The following ZMIZ1 variants were observed in gnomAD, a reference collection of about 807,000 sequenced individuals.
ZMIZ1 encodes the protein zinc finger MIZ-type containing 1.
A neutral mutation model predicts 113.9 loss-of-function variants in ZMIZ1; 17 were observed. The ratio of observed to expected loss-of-function variants is 0.15; its 90% CI spans 0.10 to 0.22. The LOEUF (loss-of-function observed/expected upper bound fraction) is 0.22, where lower values mean the gene tolerates loss of function less well. Ranked by LOEUF, ZMIZ1 falls within the 10% of genes least tolerant of loss-of-function variation. The pLI is 1.00. For missense variants in ZMIZ1, 1,059 were observed against 1,477.8 expected, an observed-to-expected ratio of 0.72 and a Z score of 4.65; for synonymous variants, 607 against 603.1, an observed-to-expected ratio of 1.01 and a Z score of -0.09.
intron 1 of ZMIZ1, among the ~76,000 whole-genome samples, chr10:79,087,706 C>A (rs1227314949): frequency 6.6e-6 from 1 of 152,246 alleles, no homozygotes; most frequent in Non-Finnish European, 1.5e-5. Flanking sequence ...GCCCTTCATT[C>A]TCTGGCCCCA....
chr10:79,178,016 T>C (rs1435741538), intron 4 of ZMIZ1, among the ~76,000 whole-genome samples: 1 of 152,170 alleles, frequency 6.6e-6, no homozygotes, highest in Non-Finnish European at 1.5e-5. Context: ...GGTGGGGTCT[T>C]AGGAGGGGCC....
At chr10:79,134,955 A>G (rs886176319) in intron 2 of ZMIZ1, among the ~76,000 whole-genome samples, 9 of 151,972 alleles carry the variant, frequency 5.9e-5, no homozygotes, top group Middle Eastern at 3.4e-3. Flanking sequence ...AGTAGCTGGG[A>G]TTACAGGCAT....
At position 79,200,922 on chromosome 10, in the gene ZMIZ1, T is replaced by TAC. The variant is rs1350062605; in HGVS notation, c.-49-651_-49-650dup. On this transcript the variant is annotated intron_variant, in intron 4 of 24. Transcript: ENST00000334512. ...ATGAACACACACACACATACACACG[T>TAC]ACACACACACACGTGGGCCAAGCCC... Among the ~76,000 whole-genome samples the TAC allele has an allele frequency of 5.3e-5, 8 of 151,896 alleles. No individual in the cohort carries two copies. The South Asian group carries it at 6.2e-4, about 12-fold the overall frequency.
chr10:79,197,749 T>A (rs1291371164), intron 4 of ZMIZ1, among the ~76,000 whole-genome samples: 1 of 152,096 alleles, frequency 6.6e-6, no homozygotes, highest in Non-Finnish European at 1.5e-5. Context: ...CCTCCAAGCC[T>A]TAGTTTCTTC....
intron 4 of ZMIZ1, among the ~76,000 whole-genome samples, chr10:79,163,410 C>G (rs1002417763): frequency 1.8e-4 from 27 of 152,258 alleles, no homozygotes; most frequent in African/African-American, 6.5e-4. Flanking sequence ...GAAAATGAGG[C>G]TGATTATACT....
intron 3 of ZMIZ1, among the ~76,000 whole-genome samples, chr10:79,142,958 G>GT (rs1314020636): frequency 2.0e-5 from 3 of 152,236 alleles, no homozygotes; most frequent in African/African-American, 7.2e-5. Flanking sequence ...CAGGCCGCGA[G>GT]TGAGTGTCAG....
chr10:79,256,094 G>T (rs73304117), intron 7 of ZMIZ1, among the ~76,000 whole-genome samples: 1,852 of 152,290 alleles, frequency 0.012, 44 homozygotes, highest in African/African-American at 0.042. Flanking sequence ...GGGGAGAGCT[G>T]CCTGCCACCT....
intron 4 of ZMIZ1, among the ~76,000 whole-genome samples, chr10:79,162,906 G>A (rs554028086): frequency 5.3e-5 from 8 of 152,266 alleles, no homozygotes; most frequent in African/African-American, 1.9e-4. Context: ...AGAGCAGCTG[G>A]GGCCAGCAGG....
At chr10:79,298,690 A>C in intron 15 of ZMIZ1, 110 bp downstream of exon 15, 1 of 1,053,212 alleles carries the variant, frequency 9.5e-7, no homozygotes. Context: ...GAAGGGGCAG[A>C]GAGTTGAGAG....
intron 1 of ZMIZ1, among the ~76,000 whole-genome samples, chr10:79,117,267 G>T (rs1425890161): frequency 6.6e-6 from 1 of 152,248 alleles, no homozygotes; most frequent in Non-Finnish European, 1.5e-5. Flanking sequence ...AGCAGGTGGA[G>T]AACAGACTCC....
At chr10:79,305,409 C>G in intron 20 of ZMIZ1, 124 bp from the exon 21 acceptor site, 1 of 1,257,302 alleles carries the variant, frequency 8.0e-7, no homozygotes, top group Non-Finnish European at 1.2e-6. Context: ...GAGTCCCCCT[C>G]TCTTGTGCCT....
intron 8 of ZMIZ1, among the ~76,000 whole-genome samples, chr10:79,283,376 G>T (rs1367356011): frequency 6.6e-6 from 1 of 152,184 alleles, no homozygotes; most frequent in Non-Finnish European, 1.5e-5. Context: ...ATCTGTAGAA[G>T]GGGAGTGACA....
intron 4 of ZMIZ1, among the ~76,000 whole-genome samples, chr10:79,173,577 A>G (rs527711468): frequency 2.0e-5 from 3 of 152,282 alleles, no homozygotes; most frequent in African/African-American, 7.2e-5. Flanking sequence ...ACCTTGATCA[A>G]CAGACAGAGA....
At chr10:79,206,921 C>T (rs745417) in intron 5 of ZMIZ1, among the ~76,000 whole-genome samples, 111,152 of 152,176 alleles carry the variant, frequency 0.73, 40,649 homozygotes, top group East Asian at 0.78. Context: ...TTTTTAAATA[C>T]CTTGCCTCGC....
Position 79,279,168 on chromosome 10 carries a change from G to A in ZMIZ1, c.425+1843G>A, listed in dbSNP as rs571599715. On this transcript the variant is annotated intron_variant, in intron 8 of 24. Coordinates refer to ENST00000334512, the MANE Select transcript of ZMIZ1 (RefSeq NM_020338.4). ...GGGGGCTGCCCCCGACCTCCCGGAC[G>A]GGGCAGCTGCCAGGGGGAGGGGCTC... Among the ~76,000 whole-genome samples, 912 of 152,000 alleles carry A rather than the reference G, an allele frequency of 6.0e-3. 6 individuals carry two copies. Among genetic ancestry groups the A allele is most frequent in the African/African-American group, 0.021 (854 of 41,466 alleles).
intron 1 of ZMIZ1, among the ~76,000 whole-genome samples, chr10:79,108,068 T>C (rs1843619768): frequency 6.6e-6 from 1 of 152,204 alleles, no homozygotes; most frequent in Non-Finnish European, 1.5e-5. Flanking sequence ...CAGGCTAGTG[T>C]TGACATCCCA....
rs1012294099 is a variant in ZMIZ1, at chr10:79,293,515, C to A, written c.1092C>A (p.Pro364=). ...GMTPSGMSGP[P]MGMNQPRPPG... is the part of the protein sequence containing the mutation. ...CGCCCTCGGGGATGAGCGGCCCTCCCATGGGCATGAACCAGCCCCGGCCGC... is the reference window on the plus strand; with the variant it reads ...CGCCCTCGGGGATGAGCGGCCCTCCAATGGGCATGAACCAGCCCCGGCCGC... The change falls in exon 12 of 25, where the codon CCC becomes CCA. Residue 364 remains proline, a synonymous_variant. Coordinates refer to ENST00000334512, the MANE Select transcript of ZMIZ1 (RefSeq NM_020338.4). 7.5e-6 allele frequency: 12 copies of A among 1,604,476 alleles called. No homozygotes were observed. In the East Asian group the frequency reaches 2.7e-4, roughly 36 times the overall value.
At chr10:79,157,360 G>A (rs2132475419) in intron 3 of ZMIZ1, among the ~76,000 whole-genome samples, 1 of 129,886 alleles carries the variant, frequency 7.7e-6, no homozygotes, top group East Asian at 2.3e-4. Context: ...CTCTCTGCAG[G>A]CATAAGGGGT....
At chr10:79,222,381 A>G (rs1351130212) in intron 7 of ZMIZ1, among the ~76,000 whole-genome samples, 1 of 152,030 alleles carries the variant, frequency 6.6e-6, no homozygotes, top group East Asian at 1.9e-4. Context: ...TCTCACACCC[A>G]TGGCCTTCCC....
Sources: allele counts gnomAD v4.1 joint callset (sites outside exome capture counted in the v4.1 genomes callset), GRCh38; gene constraint gnomAD v4.1.1; transcripts MANE v1.5; gene names NCBI Gene and HGNC (gene_info 2026-07-23, HGNC 2026-07-21).